ZNF28: variants seen among roughly 807,000 people sequenced by gnomAD.
ZNF28 encodes the protein zinc finger protein KOX24.
A neutral mutation model predicts 7.2 loss-of-function variants in ZNF28; 5 were observed. The ratio of observed to expected loss-of-function variants is 0.70; its 90% CI spans 0.36 to 1.46. The LOEUF (loss-of-function observed/expected upper bound fraction) is 1.46. ZNF28 is among the 40% of genes most tolerant of loss of function. The pLI, the probability that ZNF28 is intolerant of heterozygous loss-of-function variation, is 0.03. For synonymous variants in ZNF28, 288 were observed against 292.4 expected (o/e 0.99, Z 0.15); for missense variants, 879 against 866.6 (o/e 1.01, Z -0.18).
chr19:52,799,143 T>C lies in ZNF28; in HGVS notation c.*545A>G, dbSNP rs2062830223. On this transcript the variant is annotated 3_prime_UTR_variant, in exon 4 of 4. Transcript: ENST00000457749. The stretch of plus-strand genomic sequence containing the variant: ...ATGAAGACTATGATGACTTGCAAGG[T>C]GTGACTGTTGATTAAAAACTATGCC... The C allele has an allele frequency of 7.4e-6, 3 of 406,154 alleles. No homozygotes were observed. Among genetic ancestry groups the C allele is most frequent in the Non-Finnish European group, 1.4e-5 (3 of 208,834 alleles). The allele number at this position is 406,154 out of a possible 1,614,324, so 25.2% of individuals were successfully genotyped here.
At chr19:52,818,144 G>T in intron 1 of ZNF28, 113 bp from the exon 2 acceptor site, 1 of 1,139,284 alleles carries the variant, frequency 8.8e-7, no homozygotes, top group Non-Finnish European at 1.2e-6. Flanking sequence ...CCCCTATGCT[G>T]CCTACCGCAC....
chr19:52,817,847 G>T, intron 2 of ZNF28, 97 bp downstream of exon 2: 1 of 1,588,108 alleles, frequency 6.3e-7, no homozygotes, highest in Non-Finnish European at 8.6e-7. Flanking sequence ...AAACATATCA[G>T]GCAGGACACT....
intron 2 of ZNF28, among the ~76,000 whole-genome samples, chr19:52,817,114 TGTAATCCCAGCACTTTA>T (rs1397296320): frequency 1.3e-5 from 2 of 152,136 alleles, no homozygotes; most frequent in Non-Finnish European, 2.9e-5. Flanking sequence ...GGCTCACGCT[TGTAATCCCAGCACTTTA>T]GGAAGCCAAA....
In ZNF28 at chr19:52,800,173, T is replaced by C; in HGVS notation, c.1672A>G (p.Lys558Glu). 1 of 1,613,672 alleles carries C rather than the reference T, an allele frequency of 6.2e-7. No homozygotes were observed. Among genetic ancestry groups the C allele is most frequent in the Non-Finnish European group, 8.5e-7 (1 of 1,179,878 alleles). ...EKPYKCEECE[K>E]VFSRKSHMER... ...ATGTGTGATTTGCGACTGAAAACTT[T>C]CTCACATTCTTCACATTTGTACGGT... The change falls in exon 4 of 4, where the codon AAA (lysine) becomes GAA (glutamate). Residue 558 changes from lysine (K) to glutamate (E), a missense_variant. Coordinates refer to ENST00000457749, the MANE Select transcript of ZNF28 (RefSeq NM_006969.5).
intron 3 of ZNF28, 59 bp from the exon 4 acceptor site, chr19:52,801,761 A>G: frequency 6.9e-7 from 1 of 1,450,064 alleles, no homozygotes; most frequent in Non-Finnish European, 9.4e-7. Flanking sequence ...ATAATACTGA[A>G]ATGTGTAAAT....
Position 52,801,752 on chromosome 19 carries a change from T to C in ZNF28, c.143-50A>G, listed in dbSNP as rs750243088. The C allele has an allele frequency of 3.3e-6, 5 of 1,510,204 alleles. No homozygotes were observed. In the South Asian group the frequency reaches 4.9e-5, roughly 15 times the overall value. The allele number at this position is 1,510,204 out of a possible 1,614,324, so 93.6% of individuals were successfully genotyped here. ...TTTCCAATGAAGTACAGATGGTGTA[T>C]AATACTGAAATGTGTAAATATGACA... On this transcript the variant is annotated intron_variant, in intron 3 of 3. Coordinates refer to ENST00000457749, the MANE Select transcript of ZNF28 (RefSeq NM_006969.5).
In ZNF28 at chr19:52,809,916, GC is replaced by G. The variant is rs550300791; in HGVS notation, c.16-1784del. ...GGGGCGGCGCCATCTTGTGCCCGGG[GC>G]CGGTGGGGAGGCCGGGGAGGTTGCC... On this transcript the variant is annotated intron_variant, in intron 2 of 3. Coordinates refer to ENST00000457749, the MANE Select transcript of ZNF28 (RefSeq NM_006969.5). 328 of 845,614 alleles carry G rather than the reference GC, an allele frequency of 3.9e-4. 5 individuals carry two copies. In the South Asian group the frequency reaches 4.6e-3, roughly 12 times the overall value. The allele number at this position is 845,614 out of a possible 1,614,324, so 52.4% of individuals were successfully genotyped here.
intron 2 of ZNF28, among the ~76,000 whole-genome samples, chr19:52,809,375 T>C (rs7255428): frequency 0.49 from 74,171 of 152,176 alleles, 20,871 homozygotes; most frequent in Non-Finnish European, 0.66. Context: ...TAGCCATGTT[T>C]ACTAACATGA....
intron 2 of ZNF28, among the ~76,000 whole-genome samples, chr19:52,815,578 A>G (rs1366598151): frequency 6.8e-6 from 1 of 146,708 alleles, no homozygotes; most frequent in African/African-American, 2.6e-5. Context: ...TAATCCCAGC[A>G]CTTTGGGAGG....
At chr19:52,809,786 CAG>C (rs2062989645) in intron 2 of ZNF28, 1 of 502,678 alleles carries the variant, frequency 2.0e-6, no homozygotes, top group Non-Finnish European at 3.5e-6. Context: ...GCCTGGGTGA[CAG>C]AGCGAAAAAA....
chr19:52,810,449 G>A, intron 2 of ZNF28: 1 of 1,598,100 alleles, frequency 6.3e-7, no homozygotes, highest in Non-Finnish European at 8.6e-7. Flanking sequence ...CATATATAGA[G>A]TTCTCAAAGA....
In ZNF28 at chr19:52,798,730, T is replaced by C. The variant is rs2062826371; in HGVS notation, c.*958A>G. Reference sequence around the variant, plus strand: ...GAGTTCGATGATGAATAGCAATATATGAACGATATCTGAAAAATCTGTCAC... The same window carrying C: ...GAGTTCGATGATGAATAGCAATATACGAACGATATCTGAAAAATCTGTCAC... On this transcript the variant is annotated 3_prime_UTR_variant, in exon 4 of 4. Transcript: ENST00000457749. The C allele has an allele frequency of 3.9e-6, 2 of 506,994 alleles. No homozygotes were observed. Among genetic ancestry groups the C allele is most frequent in the Non-Finnish European group, 7.5e-6 (2 of 266,652 alleles). The allele number at this position is 506,994 out of a possible 1,614,324, so 31.4% of individuals were successfully genotyped here.
At chr19:52,804,065 G>A (rs1190003139) in intron 3 of ZNF28, among the ~76,000 whole-genome samples, 1 of 152,274 alleles carries the variant, frequency 6.6e-6, no homozygotes, top group Admixed American at 6.5e-5. Flanking sequence ...ATTTAGCATG[G>A]GTGTCGACTA....
intron 3 of ZNF28, among the ~76,000 whole-genome samples, chr19:52,802,104 T>C (rs1390439312): frequency 6.6e-6 from 1 of 152,190 alleles, no homozygotes; most frequent in African/African-American, 2.4e-5. Flanking sequence ...AACCACACAA[T>C]ATACTATATT....
chr19:52,820,516 T>C (rs1452618023), intron 1 of ZNF28, among the ~76,000 whole-genome samples: 2 of 152,020 alleles, frequency 1.3e-5, no homozygotes, highest in Non-Finnish European at 2.9e-5. Context: ...CCCTGTTAAA[T>C]TCTCTCTTCT....
chr19:52,797,735 T>C lies in ZNF28; in HGVS notation c.*1953A>G, dbSNP rs375543862. On this transcript the variant is annotated 3_prime_UTR_variant, in exon 4 of 4. Transcript: ENST00000457749. ...TAAATACACATACAATCCATACTGA[T>C]TGGAAAAATTAGTATTGCTCAATGA... is the stretch of plus-strand genomic sequence containing the variant. 1 of 152,478 alleles carries C rather than the reference T, an allele frequency of 6.6e-6. No homozygotes were observed. The highest frequency in any genetic ancestry group is 1.5e-5 in the Non-Finnish European group (1 of 68,032). The allele number at this position is 152,478 out of a possible 1,614,324, so 9.4% of individuals were successfully genotyped here.
chr19:52,804,914 G>C lies in ZNF28; in HGVS notation c.142+3093C>G, dbSNP rs552621861. ...AATCTTATTAAACAAAGGAAGTTAA[G>C]AGTCTGTACTGTAAAACTTGCAATA... is the stretch of plus-strand genomic sequence containing the variant. On this transcript the variant is annotated intron_variant, in intron 3 of 3. Coordinates refer to ENST00000457749, the MANE Select transcript of ZNF28 (RefSeq NM_006969.5). Among the ~76,000 whole-genome samples the C allele has an allele frequency of 4.6e-5, 7 of 152,306 alleles. No individual in the cohort carries two copies. The East Asian group carries it at 1.4e-3, about 29-fold the overall frequency.
At chr19:52,814,475 T>C (rs1192123331) in intron 2 of ZNF28, 1 of 145,580 alleles carries the variant, frequency 6.9e-6, no homozygotes, top group Non-Finnish European at 1.5e-5. Flanking sequence ...GTGACTATAA[T>C]CCCAGCTACT....
intron 2 of ZNF28, among the ~76,000 whole-genome samples, chr19:52,814,665 T>C (rs2063099961): frequency 6.9e-6 from 1 of 145,434 alleles, no homozygotes; most frequent in South Asian, 2.3e-4. Flanking sequence ...GGTGGGCAGA[T>C]CACGAGGTTA....
Sources: allele counts gnomAD v4.1 joint callset (sites outside exome capture counted in the v4.1 genomes callset), GRCh38; gene constraint gnomAD v4.1.1; transcripts MANE v1.5; gene names NCBI Gene and HGNC (gene_info 2026-07-23, HGNC 2026-07-21).